The following NRG1 variants were observed in gnomAD, a reference collection of about 807,000 sequenced individuals.
The protein encoded by NRG1 is pro-neuregulin-1, membrane-bound isoform.
A neutral mutation model predicts 63.8 loss-of-function variants in NRG1; 18 were observed. The ratio of observed to expected loss-of-function variants is 0.28; its 90% CI spans 0.19 to 0.42. The LOEUF (loss-of-function observed/expected upper bound fraction) is 0.42. Ranked by LOEUF, NRG1 falls within the 10% of genes least tolerant of loss-of-function variation. NRG1 has a pLI of 1.00. For missense variants in NRG1, 762 were observed against 814.7 expected, an observed-to-expected ratio of 0.94 and a Z score of 0.79; for synonymous variants, 302 against 301.3, an observed-to-expected ratio of 1.00 and a Z score of -0.02.
chr8:31,989,844 TTCTC>T (rs1810754470), intron 1 of NRG1, among the ~76,000 whole-genome samples: 1 of 152,100 alleles, frequency 6.6e-6, no homozygotes, highest in Admixed American at 6.5e-5. Flanking sequence ...TGGTTGGAAT[TTCTC>T]TTGCTTGTTG....
At chr8:31,931,350 T>A (rs1183105146) in intron 1 of NRG1, among the ~76,000 whole-genome samples, 1 of 152,144 alleles carries the variant, frequency 6.6e-6, no homozygotes, top group Non-Finnish European at 1.5e-5. Flanking sequence ...TGAGAAAGCA[T>A]GCCATGAAGG....
intron 6 of NRG1, among the ~76,000 whole-genome samples, chr8:32,729,355 A>G (rs1345567207): frequency 6.6e-6 from 1 of 152,222 alleles, no homozygotes; most frequent in African/African-American, 2.4e-5. Context: ...ACCAACAGCT[A>G]TATCCCAAAA....
At chr8:32,029,228 G>A (rs184575701) in intron 1 of NRG1, among the ~76,000 whole-genome samples, 9 of 152,242 alleles carry the variant, frequency 5.9e-5, no homozygotes, top group Non-Finnish European at 1.0e-4. Context: ...TGATTTAAAT[G>A]TTATGCACAA....
intron 1 of NRG1, among the ~76,000 whole-genome samples, chr8:32,014,229 TG>T (rs1467885966): frequency 6.6e-6 from 1 of 152,158 alleles, no homozygotes; most frequent in Non-Finnish European, 1.5e-5. Flanking sequence ...TTTATTTCCT[TG>T]AGCAGTGGTT....
At chr8:31,948,423 A>G (rs1444440817) in intron 1 of NRG1, among the ~76,000 whole-genome samples, 1 of 152,194 alleles carries the variant, frequency 6.6e-6, no homozygotes, top group Non-Finnish European at 1.5e-5. Flanking sequence ...CCAGTGGAAT[A>G]CAGAACCATG....
At chr8:31,994,088 A>G (rs1290982346) in intron 1 of NRG1, among the ~76,000 whole-genome samples, 1 of 152,038 alleles carries the variant, frequency 6.6e-6, no homozygotes, top group African/African-American at 2.4e-5. Context: ...TATTTAGAGC[A>G]CTTTGCAGCA....
chr8:32,102,606 T>C (rs1036870136), intron 1 of NRG1, among the ~76,000 whole-genome samples: 2 of 152,190 alleles, frequency 1.3e-5, no homozygotes, highest in African/African-American at 4.8e-5. Context: ...AAAGAATTGA[T>C]GTGCATTATC....
intron 1 of NRG1, among the ~76,000 whole-genome samples, chr8:31,949,223 T>A (rs188141643): frequency 8.0e-4 from 122 of 152,338 alleles, no homozygotes; most frequent in Non-Finnish European, 1.4e-3. Context: ...TTATTATACC[T>A]ATTTTGCAGA....
chr8:31,827,887 T>C (rs917415883), intron 1 of NRG1, among the ~76,000 whole-genome samples: 3 of 152,222 alleles, frequency 2.0e-5, no homozygotes, highest in Non-Finnish European at 4.4e-5. Flanking sequence ...AATAAAGATC[T>C]GGCCTTATAT....
At chr8:31,887,291 G>C (rs1830793918) in intron 1 of NRG1, among the ~76,000 whole-genome samples, 1 of 152,060 alleles carries the variant, frequency 6.6e-6, no homozygotes, top group Non-Finnish European at 1.5e-5. Flanking sequence ...TTAGAGTACA[G>C]TATTTTAAAA....
chr8:31,695,530 A>C (rs995511002), intron 1 of NRG1, among the ~76,000 whole-genome samples: 3 of 152,138 alleles, frequency 2.0e-5, no homozygotes, highest in African/African-American at 7.2e-5. Flanking sequence ...CTATCACAAG[A>C]ACAACAAGGG....
chr8:31,718,843 A>G (rs1741366998), intron 1 of NRG1, among the ~76,000 whole-genome samples: 1 of 152,200 alleles, frequency 6.6e-6, no homozygotes, highest in South Asian at 2.1e-4. Context: ...GATTAAGAGC[A>G]TTTGTTTATA....
chr8:31,737,096 A>G (rs1023843131), intron 1 of NRG1, among the ~76,000 whole-genome samples: 3 of 152,142 alleles, frequency 2.0e-5, no homozygotes, highest in African/African-American at 7.2e-5. Flanking sequence ...AAGATATCAA[A>G]CTTATTAGAG....
intron 11 of NRG1, among the ~76,000 whole-genome samples, chr8:32,761,741 T>G (rs2129059661): frequency 6.6e-6 from 1 of 151,944 alleles, no homozygotes; most frequent in South Asian, 2.1e-4. Flanking sequence ...TGGGGAGTAC[T>G]TACAATAAAA....
At chr8:32,219,137 A>G (rs539380591) in intron 1 of NRG1, among the ~76,000 whole-genome samples, 4 of 152,272 alleles carry the variant, frequency 2.6e-5, no homozygotes, top group African/African-American at 9.6e-5. Flanking sequence ...ATTGTGTTTG[A>G]TCTTACACTT....
At chr8:32,352,870 C>G (rs1805790656) in intron 1 of NRG1, among the ~76,000 whole-genome samples, 1 of 149,756 alleles carries the variant, frequency 6.7e-6, no homozygotes, top group Admixed American at 6.7e-5. Context: ...AGAATGGGAC[C>G]TTGTCTCAAT....
intron 1 of NRG1, among the ~76,000 whole-genome samples, chr8:31,893,168 G>T (rs1349400484): frequency 6.7e-6 from 1 of 149,806 alleles, no homozygotes; most frequent in Non-Finnish European, 1.5e-5. Flanking sequence ...TAGTATAATA[G>T]ACTATATTAT....
At chr8:32,174,947 T>C (rs748109105) in intron 1 of NRG1, among the ~76,000 whole-genome samples, 1 of 152,108 alleles carries the variant, frequency 6.6e-6, no homozygotes, top group Non-Finnish European at 1.5e-5. Context: ...TTCCAATCAA[T>C]AGAAAAAGAG....
At chr8:32,159,035 T>C (rs937405861) in intron 1 of NRG1, among the ~76,000 whole-genome samples, 5 of 152,004 alleles carry the variant, frequency 3.3e-5, no homozygotes, top group Non-Finnish European at 7.4e-5. Context: ...ACCACACTTA[T>C]TGTGAGGAAA....
Sources: allele counts gnomAD v4.1 joint callset (sites outside exome capture counted in the v4.1 genomes callset), GRCh38; gene constraint gnomAD v4.1.1; transcripts MANE v1.5; gene names NCBI Gene and HGNC (gene_info 2026-07-23, HGNC 2026-07-21).